CCAR2: variants seen among roughly 807,000 people sequenced by gnomAD.
CCAR2 encodes cell cycle and apoptosis regulator protein 2.
Under a neutral mutation model 108.1 loss-of-function variants are expected in CCAR2, and 21 were observed. The ratio of observed to expected loss-of-function variants is 0.19; its 90% CI spans 0.14 to 0.28. The LOEUF (loss-of-function observed/expected upper bound fraction) is 0.28, where lower values mean the gene tolerates loss of function less well. Among genes scored for constraint, CCAR2 ranks in the 10% least tolerant of loss-of-function variants. The pLI is 1.00. For synonymous variants in CCAR2, 577 were observed against 472.8 expected, an observed-to-expected ratio of 1.22 and a Z score of -2.86; for missense variants, 1,126 against 1,177.0, an observed-to-expected ratio of 0.96 and a Z score of 0.63.
chr8:22,618,458 T>G lies in CCAR2; in HGVS notation c.2183T>G (p.Ile728Ser). 6.2e-7 allele frequency: 1 copy of G among 1,614,162 alleles called. No individual in the cohort carries two copies. The change falls in exon 17 of 21, where the codon ATC becomes AGC. Residue 728 changes from isoleucine (I) to serine (S), a missense_variant. Physicochemically the swap from Ile to Ser is moderately radical, Grantham distance 142. This residue lies in a region of CCAR2 where 1,013 missense variants were observed against 993.9 expected (regional missense o/e 1.02). Transcript: ENST00000308511. ...TTGCACCGGCGAGACTTAGAGAGGA[T>G]CCTCCTTACCCTTGGGATCCGGCTC... ...GYLHRRDLER[I>S]LLTLGIRLSA...
At chr8:22,614,612 A>C in intron 10 of CCAR2, 109 bp downstream of exon 10, 1 of 1,113,730 alleles carries the variant, frequency 9.0e-7, no homozygotes, top group South Asian at 1.3e-5. Context: ...GGCATCTCAG[A>C]GCCGAACACC....
At chr8:22,607,480 T>A (rs1801120876) in intron 6 of CCAR2, among the ~76,000 whole-genome samples, 155 bp downstream of exon 6, 1 of 150,518 alleles carries the variant, frequency 6.6e-6, no homozygotes, top group Non-Finnish European at 1.5e-5. Context: ...TTTTTTTTTT[T>A]TTTTTTTGAT....
In CCAR2 at chr8:22,618,490, G is replaced by C; in HGVS notation, c.2215G>C (p.Glu739Gln). The C allele has an allele frequency of 6.2e-7, 1 of 1,614,216 alleles. No homozygotes were observed. Reference sequence around the variant, plus strand: ...TACCCTTGGGATCCGGCTCAGTGCAGAGCAGGTACCTTCTTTCCTCTGCCC... The same window carrying C: ...TACCCTTGGGATCCGGCTCAGTGCACAGCAGGTACCTTCTTTCCTCTGCCC... ...LLTLGIRLSA[E>Q]QAKQLVSRVV... The change falls in exon 17 of 21, where the codon GAG becomes CAG. Residue 739 changes from glutamate to glutamine, a missense_variant. This residue lies in a region of CCAR2 where 1,013 missense variants were observed against 993.9 expected (regional missense o/e 1.02). Transcript: ENST00000308511.
chr8:22,619,381 A>G, intron 20 of CCAR2, 26 bp downstream of exon 20: 1 of 1,548,318 alleles, frequency 6.5e-7, no homozygotes, highest in Non-Finnish European at 8.7e-7. Context: ...ACCAGGAGGC[A>G]GCACAGCTCC....
In CCAR2 at chr8:22,614,455, C is replaced by T. The variant is rs200495568; in HGVS notation, c.993C>T (p.Asp331=). 9 of 1,614,194 alleles carry T rather than the reference C, an allele frequency of 5.6e-6. No individual in the cohort carries two copies. The Admixed American group carries it at 1.2e-4, about 21-fold the overall frequency. ...GTTGTTGCATGCTCTTTGTGGATGA[C>T]ATGGCTGAGCCAAGGGAGACGCCAG... The part of the protein sequence containing the change: ...LYRCCMLFVD[D]MAEPRETPEH... Residue 331 remains aspartate, a synonymous_variant, in exon 10 of 21, where the codon GAC becomes GAT. Transcript: ENST00000308511.
At chr8:22,611,695 A>G (rs1157464951) in intron 7 of CCAR2, among the ~76,000 whole-genome samples, 1 of 152,194 alleles carries the variant, frequency 6.6e-6, no homozygotes, top group Admixed American at 6.5e-5. Context: ...ATATTGCAGC[A>G]TAATCCTGAG....
downstream of CCAR2, chr8:22,621,142 C>A (rs943715051): frequency 2.6e-6 from 1 of 392,044 alleles, no homozygotes; most frequent in Non-Finnish European, 4.6e-6. Context: ...CTGCAGCTTG[C>A]TCAGGCCGTG....
Position 22,615,858 on chromosome 8 carries a change from G to A in CCAR2, c.1554G>A (p.Leu518=), listed in dbSNP as rs756908461. The A allele has an allele frequency of 1.9e-6, 3 of 1,614,000 alleles. No homozygotes were observed. The highest frequency in any genetic ancestry group is 2.5e-6 in the Non-Finnish European group (3 of 1,180,012). Residue 518 remains leucine, a synonymous_variant, in exon 13 of 21, where the codon CTG becomes CTA. Transcript: ENST00000308511. ...TCGCACGCCCTGGCTGTGTAAACCT[G>A]TCCCTCCATGGGATTGTGGAGGATC... The part of the protein sequence containing the change: ...AVIARPGCVN[L]SLHGIVEDRR...
At chr8:22,615,073 C>A in intron 11 of CCAR2, 72 bp downstream of exon 11, 1 of 1,447,894 alleles carries the variant, frequency 6.9e-7, no homozygotes, top group South Asian at 1.4e-5. Context: ...AAGGCCCGGT[C>A]CCTGCCCCTT....
chr8:22,617,979 G>T (rs1182270331), intron 16 of CCAR2, among the ~76,000 whole-genome samples: 1 of 152,216 alleles, frequency 6.6e-6, no homozygotes, highest in Non-Finnish European at 1.5e-5. Context: ...GAATGGGAGA[G>T]GGGTATTTGA....
chr8:22,607,944 GT>G (rs1563906896), intron 6 of CCAR2, 24 bp from the exon 7 acceptor site: 3 of 1,609,510 alleles, frequency 1.9e-6, no homozygotes, highest in Non-Finnish European at 2.5e-6. Context: ...GGGTTTTTGA[GT>G]CACCAGTCAT....
intron 16 of CCAR2, chr8:22,618,111 G>A (rs1460742410): frequency 2.0e-5 from 12 of 602,436 alleles, no homozygotes; most frequent in Admixed American, 3.0e-5. Flanking sequence ...ACGGGGTTTC[G>A]CTGTGTTGCC....
intron 7 of CCAR2, among the ~76,000 whole-genome samples, chr8:22,610,173 T>A (rs1049844608): frequency 1.3e-5 from 2 of 152,216 alleles, no homozygotes; most frequent in African/African-American, 2.4e-5. Context: ...GTAGAGAGAA[T>A]GTGCAGAGTG....
chr8:22,609,309 A>G (rs1288729962), intron 7 of CCAR2, among the ~76,000 whole-genome samples: 1 of 152,088 alleles, frequency 6.6e-6, no homozygotes, highest in African/African-American at 2.4e-5. Flanking sequence ...AAAATAAGTA[A>G]ATATTTATTT....
intron 5 of CCAR2, 50 bp from the exon 6 acceptor site, chr8:22,607,142 TAGTG>T: frequency 1.2e-6 from 2 of 1,610,670 alleles, no homozygotes; most frequent in Non-Finnish European, 1.7e-6. Context: ...CTTTCCAAGG[TAGTG>T]AGTGCCTCAA....
At position 22,606,902 on chromosome 8, in the gene CCAR2, G is replaced by T; in HGVS notation, c.243-8G>T. On this transcript the variant is annotated splice_polypyrimidine_tract_variant and splice_region_variant and intron_variant, in intron 4 of 20. Transcript: ENST00000308511. ...TCTGATGGGGCCTTCTGGCTTGTGTGCTGACAGTGTGGTGAAGGGCCGTCT... is the reference window on the plus strand; with the variant it reads ...TCTGATGGGGCCTTCTGGCTTGTGTTCTGACAGTGTGGTGAAGGGCCGTCT... 2 of 1,613,878 alleles carry T rather than the reference G, an allele frequency of 1.2e-6. No individual in the cohort carries two copies. The highest frequency in any genetic ancestry group is 1.7e-6 in the Non-Finnish European group (2 of 1,179,830).
intron 7 of CCAR2, among the ~76,000 whole-genome samples, chr8:22,610,661 G>C (rs1459615669): frequency 6.6e-6 from 1 of 152,240 alleles, no homozygotes; most frequent in Admixed American, 6.5e-5. Context: ...AGATGCTCAT[G>C]CACATGGAAG....
At chr8:22,619,532 T>G (rs1801672058) in intron 20 of CCAR2, 106 bp from the exon 21 acceptor site, 2 of 1,436,562 alleles carry the variant, frequency 1.4e-6, no homozygotes, top group Admixed American at 2.0e-5. Context: ...AATTGAGCAG[T>G]CAGCAGCGTG....
chr8:22,620,666 G>A (rs1306469462), downstream of CCAR2: 1 of 152,230 alleles, frequency 6.6e-6, no homozygotes, highest in African/African-American at 2.4e-5. Context: ...AGCAGGCCCA[G>A]GAAGGGGTTT....
Sources: allele counts gnomAD v4.1 joint callset (sites outside exome capture counted in the v4.1 genomes callset), GRCh38; gene constraint gnomAD v4.1.1; regional missense constraint gnomAD v4.1.1; transcripts MANE v1.5; gene names NCBI Gene and HGNC (gene_info 2026-07-23, HGNC 2026-07-21).